Variants in PRKAG2 observed in about 807,000 individuals in gnomAD.
The protein encoded by PRKAG2 is protein kinase AMP-activated non-catalytic subunit gamma 2, also known as 5'-AMP-activated protein kinase subunit gamma-2.
Under a neutral mutation model 69.6 loss-of-function variants are expected in PRKAG2, and 26 were observed. The ratio of observed to expected loss-of-function variants is 0.37; its 90% CI spans 0.27 to 0.52. PRKAG2 has a LOEUF of 0.52. PRKAG2 is among the 20% of genes least tolerant of loss of function. PRKAG2 has a pLI of 0.90. For missense variants in PRKAG2, 557 were observed against 740.0 expected, an observed-to-expected ratio of 0.75 and a Z score of 2.87; for synonymous variants, 293 against 285.0, an observed-to-expected ratio of 1.03 and a Z score of -0.28.
intron 3 of PRKAG2, among the ~76,000 whole-genome samples, chr7:151,718,652 AAAC>A (rs1428361652): frequency 7.8e-6 from 1 of 128,512 alleles, no homozygotes; most frequent in African/African-American, 3.5e-5. Context: ...ACAAACAAAA[AAAC>A]CCAGGTTTTT....
At chr7:151,572,082 A>G (rs1209818506) in intron 9 of PRKAG2, among the ~76,000 whole-genome samples, 1 of 152,248 alleles carries the variant, frequency 6.6e-6, no homozygotes, top group African/African-American at 2.4e-5. Flanking sequence ...ATGCGAATTT[A>G]AGAAATGGTT....
At chr7:151,701,799 C>CTT (rs1837738869) in intron 3 of PRKAG2, among the ~76,000 whole-genome samples, 1 of 149,790 alleles carries the variant, frequency 6.7e-6, no homozygotes, top group Non-Finnish European at 1.5e-5. Context: ...GCCGAGATTG[C>CTT]GCCACTGCAC....
rs201835740 is a variant in PRKAG2 at position 151,597,822 on chromosome 7, C to CA, written c.755-2369_755-2368insT. On this transcript the variant is annotated intron_variant, in intron 5 of 15. Coordinates refer to ENST00000287878, the MANE Select transcript of PRKAG2 (RefSeq NM_016203.4). Reference sequence around the variant, plus strand: ...GCTGAGGATGTGGACAAAAGGGAGCCCCCCCCCCCGCTCTTTTATTGAACT... The same window carrying CA: ...GCTGAGGATGTGGACAAAAGGGAGCCACCCCCCCCCGCTCTTTTATTGAACT... 3.3e-3 allele frequency among the ~76,000 whole-genome samples: 474 copies of CA among 141,898 alleles called. 10 individuals carry two copies. The highest frequency in any genetic ancestry group is 0.012 in the African/African-American group (444 of 37,540). 93.1% of individuals were successfully genotyped at this position (141,898 alleles called of 152,430 possible).
intron 3 of PRKAG2, among the ~76,000 whole-genome samples, chr7:151,761,825 A>T (rs1212720530): frequency 1.3e-5 from 2 of 152,146 alleles, no homozygotes; most frequent in Admixed American, 1.3e-4. Flanking sequence ...CCACTCAGCC[A>T]CCTTGTGCCT....
chr7:151,576,166 G>A, intron 7 of PRKAG2: 2 of 600,838 alleles, frequency 3.3e-6, no homozygotes, highest in Non-Finnish European at 5.9e-6. Flanking sequence ...GCCTCGAACT[G>A]CTGGGCTCAA....
chr7:151,681,742 TCCA>T (rs1833917735), intron 3 of PRKAG2, among the ~76,000 whole-genome samples: 1 of 151,962 alleles, frequency 6.6e-6, no homozygotes, highest in Non-Finnish European at 1.5e-5. Context: ...ACACCTCAGC[TCCA>T]CTGTCCTGAC....
rs1354351360 is a variant in PRKAG2 at position 151,850,433 on chromosome 7, C to T, written c.114+26074G>A. On this transcript the variant is annotated intron_variant, in intron 1 of 15. Coordinates refer to ENST00000287878, the MANE Select transcript of PRKAG2 (RefSeq NM_016203.4). This position sits in a 1 kb window ranked among gnomAD's most constrained non-coding sequence, Gnocchi z 4.1. ...AAATGAACAGGAGGCAGAAGGGCAA[C>T]CTGTCCCATGCTCTGCCTCGAAGCA... Among the ~76,000 whole-genome samples the T allele has an allele frequency of 2.0e-5, 3 of 152,354 alleles. No individual in the cohort carries two copies. The highest frequency in any genetic ancestry group is 6.5e-5 in the Admixed American group (1 of 15,314).
chr7:151,695,978 C>T (rs995919563), intron 3 of PRKAG2, among the ~76,000 whole-genome samples: 2 of 152,184 alleles, frequency 1.3e-5, no homozygotes, highest in Non-Finnish European at 2.9e-5. Context: ...TGTGTTTACA[C>T]GACACCAGCT....
At chr7:151,618,572 C>A (rs1045817538) in intron 5 of PRKAG2, among the ~76,000 whole-genome samples, 7 of 151,896 alleles carry the variant, frequency 4.6e-5, no homozygotes, top group African/African-American at 1.7e-4. Flanking sequence ...TGAAACCAGC[C>A]TGGTCAACAT....
intron 4 of PRKAG2, among the ~76,000 whole-genome samples, chr7:151,664,399 T>A (rs896573476): frequency 6.6e-6 from 1 of 152,140 alleles, no homozygotes; most frequent in African/African-American, 2.4e-5. Context: ...CACAGGGACA[T>A]GCCGAGTCAC....
At chr7:151,623,987 C>T (rs1822190127) in intron 5 of PRKAG2, among the ~76,000 whole-genome samples, 1 of 152,004 alleles carries the variant, frequency 6.6e-6, no homozygotes, top group South Asian at 2.1e-4. Flanking sequence ...CATAAAATAA[C>T]AACTTATTGC....
intron 3 of PRKAG2, among the ~76,000 whole-genome samples, chr7:151,701,612 G>T (rs1180246307): frequency 2.0e-5 from 3 of 152,118 alleles, no homozygotes; most frequent in African/African-American, 4.8e-5. Context: ...GGGAGGCCGA[G>T]ACGGGCAGAT....
At position 151,565,219 on chromosome 7, in the gene PRKAG2, A is replaced by C. The variant is rs2302532; in HGVS notation, c.1437+127T>G. 203,005 of 785,102 alleles carry C rather than the reference A, an allele frequency of 0.26. 26,891 individuals are homozygous for C. Among genetic ancestry groups the C allele is most frequent in the Admixed American group, 0.31 (8,027 of 25,736 alleles). The allele number at this position is 785,102 out of a possible 1,614,324, so 48.6% of individuals were successfully genotyped here. ...TATAGAAGGTCTATAAAATTCTGAT[A>C]ATATCCTCACACCCCAAAAGGTTAG... On this transcript the variant is annotated intron_variant, in intron 13 of 15. Transcript: ENST00000287878.
chr7:151,786,364 C>T (rs963083735), intron 2 of PRKAG2, 106 bp downstream of exon 2: 11 of 1,115,576 alleles, frequency 9.9e-6, no homozygotes, highest in Middle Eastern at 2.0e-4. Flanking sequence ...AGCGGACATG[C>T]GGGTGGGCGT....
In PRKAG2 at chr7:151,744,048, A is replaced by G. The variant is rs543972965; in HGVS notation, c.466+37104T>C. Among the ~76,000 whole-genome samples, 4 of 152,166 alleles carry G rather than the reference A, an allele frequency of 2.6e-5. No individual in the cohort carries two copies. In the South Asian group the frequency reaches 8.3e-4, roughly 31 times the overall value. The stretch of plus-strand genomic sequence containing the variant: ...GAAGGAGAGGTCAGGGGAACTGCAG[A>G]TGGGCTCGAAGATGGAGCACGGTCA... On this transcript the variant is annotated intron_variant, in intron 3 of 15. Coordinates refer to ENST00000287878, the MANE Select transcript of PRKAG2 (RefSeq NM_016203.4).
chr7:151,628,154 G>T (rs1273236594), intron 5 of PRKAG2, among the ~76,000 whole-genome samples: 1 of 152,208 alleles, frequency 6.6e-6, no homozygotes, highest in Non-Finnish European at 1.5e-5. Context: ...TCCTCCGGCA[G>T]CTGGGAGAGA....
chr7:151,563,551 T>C (rs940305112), intron 14 of PRKAG2, among the ~76,000 whole-genome samples: 13 of 152,238 alleles, frequency 8.5e-5, no homozygotes, highest in Non-Finnish European at 1.9e-4. Flanking sequence ...ATTTTTGTTT[T>C]CTCAAAACAA....
Position 151,583,483 on chromosome 7 carries a change from GA to G in PRKAG2, c.865-7032del, listed in dbSNP as rs1378526144. Among the ~76,000 whole-genome samples the G allele has an allele frequency of 6.6e-6, 1 of 152,132 alleles. No homozygotes were observed. Among genetic ancestry groups the G allele is most frequent in the Non-Finnish European group, 1.5e-5 (1 of 68,016 alleles). ...GGCCTGACGCTTCTGTGGTTTTGCC[GA>G]CCTTCTTTGCAATAACGAGGCCTTC... On this transcript the variant is annotated intron_variant, in intron 6 of 15. Transcript: ENST00000287878. This position sits in a 1 kb window ranked among gnomAD's most constrained non-coding sequence, Gnocchi z 4.1.
At position 151,876,523 on chromosome 7, in the gene PRKAG2, A is replaced by C; in HGVS notation, c.98T>G (p.Leu33Arg). The change falls in exon 1 of 16, where the codon CTG becomes CGG. Residue 33 changes from leucine to arginine, a missense_variant. Leu to Arg is a moderately radical substitution (Grantham distance 102, BLOSUM62 -2). Around this residue, in one of 2 missense-constraint regions of PRKAG2, gnomAD observed 352 missense variants for 356.7 expected, o/e 0.99. Transcript: ENST00000287878. ...GGGACTCACCGGAATGTGCACGCGCAGCGAACGCCTCTTCTGGCTGGCATT... is the reference window on the plus strand; with the variant it reads ...GGGACTCACCGGAATGTGCACGCGCCGCGAACGCCTCTTCTGGCTGGCATT... The part of the protein sequence containing the change: ...KKNASQKRRS[L>R]RVHIPDLSSF... The C allele has an allele frequency of 6.2e-7, 1 of 1,607,204 alleles. No homozygotes were observed. The highest frequency in any genetic ancestry group is 8.5e-7 in the Non-Finnish European group (1 of 1,179,730).
Sources: allele counts gnomAD v4.1 joint callset (sites outside exome capture counted in the v4.1 genomes callset), GRCh38; gene constraint gnomAD v4.1.1; regional missense constraint gnomAD v4.1.1; non-coding constraint Gnocchi (gnomAD v3.1); transcripts MANE v1.5; gene names NCBI Gene and HGNC (gene_info 2026-07-23, HGNC 2026-07-21).